The following SLC35F6 variants were observed in gnomAD, a reference collection of about 807,000 sequenced individuals.
SLC35F6 encodes solute carrier family 35 member F6, also known as ANT2-binding protein.
In SLC35F6, 26 loss-of-function variants were observed where a neutral mutation model predicts 29.4. That is an observed-to-expected ratio of 0.89 (90% confidence interval 0.65 to 1.23). The LOEUF is 1.23. Ranked by LOEUF, SLC35F6 falls within the 50% of genes most tolerant of loss-of-function variation. SLC35F6 has a pLI of 0.00. For synonymous variants in SLC35F6, 174 were observed against 206.6 expected (o/e 0.84, Z 1.35); for missense variants, 428 against 487.8 (o/e 0.88, Z 1.15).
intron 1 of SLC35F6, among the ~76,000 whole-genome samples, chr2:26,767,090 A>G (rs187311006): frequency 6.6e-6 from 1 of 152,236 alleles, no homozygotes. Context: ...GCTGGAACCC[A>G]GGCCTCAGGA....
chr2:26,764,813 G>A, intron 1 of SLC35F6: 1 of 985,394 alleles, frequency 1.0e-6, no homozygotes, highest in Non-Finnish European at 1.2e-6. Context: ...CAGGCCGAGT[G>A]ACCCAGTGAG....
intron 1 of SLC35F6, among the ~76,000 whole-genome samples, chr2:26,768,364 CT>C (rs60323100): frequency 0.44 from 59,734 of 136,948 alleles, 12,698 homozygotes; most frequent in African/African-American, 0.56. Flanking sequence ...GGAAGGTTTC[CT>C]TTTTTTTTTT....
intron 2 of SLC35F6, among the ~76,000 whole-genome samples, chr2:26,774,823 G>C (rs1292043012): frequency 6.6e-6 from 1 of 152,136 alleles, no homozygotes; most frequent in Non-Finnish European, 1.5e-5. Flanking sequence ...TTTTCAGACA[G>C]GGCTCTGCAC....
chr2:26,778,465 A>G lies in SLC35F6; in HGVS notation c.1070A>G (p.Glu357Gly). Residue 357 changes from glutamate (E) to glycine (G), a missense_variant, in exon 6 of 6, where the codon GAG becomes GGG. Transcript: ENST00000344420. ...GRPLAEESEQ[E>G]RLLGGTRTPI... Reference sequence around the variant, plus strand: ...CCCCTGGCAGAGGAGAGCGAGCAGGAGAGACTGCTGGGTGGCACCCGCACT... The same window carrying G: ...CCCCTGGCAGAGGAGAGCGAGCAGGGGAGACTGCTGGGTGGCACCCGCACT... The G allele has an allele frequency of 6.2e-7, 1 of 1,613,348 alleles. No individual in the cohort carries two copies. The highest frequency in any genetic ancestry group is 8.5e-7 in the Non-Finnish European group (1 of 1,179,750).
At chr2:26,774,806 T>C (rs1316057776) in intron 2 of SLC35F6, among the ~76,000 whole-genome samples, 1 of 152,112 alleles carries the variant, frequency 6.6e-6, no homozygotes, top group Non-Finnish European at 1.5e-5. Flanking sequence ...TTGGCCTAGA[T>C]GGATGGTTTT....
chr2:26,774,423 G>A, intron 2 of SLC35F6, 100 bp downstream of exon 2: 1 of 1,319,172 alleles, frequency 7.6e-7, no homozygotes, highest in Non-Finnish European at 1.1e-6. Flanking sequence ...AGGAGTGGAG[G>A]TGTCTCCTGC....
At chr2:26,770,162 C>T (rs1040893284) in intron 1 of SLC35F6, among the ~76,000 whole-genome samples, 3 of 152,090 alleles carry the variant, frequency 2.0e-5, no homozygotes, top group East Asian at 1.9e-4. Context: ...CCCAGCACTT[C>T]GGGAGGCTGA....
Position 26,772,517 on chromosome 2 carries a change from T to G in SLC35F6, c.78-1734T>G, listed in dbSNP as rs1251066741. 3.3e-5 allele frequency among the ~76,000 whole-genome samples: 5 copies of G among 152,282 alleles called. No individual in the cohort carries two copies. The South Asian group carries it at 8.3e-4, about 25-fold the overall frequency. On this transcript the variant is annotated intron_variant, in intron 1 of 5. Transcript: ENST00000344420. ...TTCAGTCAGCACATGATGTTACTGA[T>G]GCATTTGGAGCTGTGTCAACGAACC...
rs371076009 is a variant in SLC35F6, at chr2:26,775,250, G to A, written c.322+35G>A. 4.4e-6 allele frequency: 7 copies of A among 1,596,254 alleles called. No individual in the cohort carries two copies. The highest frequency in any genetic ancestry group is 5.1e-6 in the Non-Finnish European group (6 of 1,169,420). ...CAGGCCAGGCTGAGAAGGGCTCAGG[G>A]GAAGCTGTGGCTGAAGGGGCTACTG... On this transcript the variant is annotated intron_variant, in intron 3 of 5. Transcript: ENST00000344420. The surrounding 1 kb of genome is among the most constrained non-coding windows in gnomAD (Gnocchi z 4.6).
chr2:26,771,446 C>G (rs948614986), intron 1 of SLC35F6, among the ~76,000 whole-genome samples: 2 of 152,370 alleles, frequency 1.3e-5, no homozygotes, highest in East Asian at 3.9e-4. Context: ...ATCTCTCTGA[C>G]TTCACTTGCT....
In SLC35F6 at chr2:26,775,430, G is replaced by A; in HGVS notation, c.323-34G>A. ...TTAGTGACAGATGGCCTTCGCCTTG[G>A]GAAGCTAACTGTAATTTGTTTCTCC... is the stretch of plus-strand genomic sequence containing the variant. On this transcript the variant is annotated intron_variant, in intron 3 of 5. Transcript: ENST00000344420. The surrounding 1 kb of genome is among the most constrained non-coding windows in gnomAD (Gnocchi z 4.6). The A allele has an allele frequency of 1.9e-6, 3 of 1,604,066 alleles. No homozygotes were observed. Among genetic ancestry groups the A allele is most frequent in the Non-Finnish European group, 2.6e-6 (3 of 1,174,916 alleles).
rs1428096518 is a variant in SLC35F6, at chr2:26,779,540, T to A, written c.*1029T>A. On this transcript the variant is annotated 3_prime_UTR_variant, in exon 6 of 6. Coordinates refer to ENST00000344420, the MANE Select transcript of SLC35F6 (RefSeq NM_017877.4). The stretch of plus-strand genomic sequence containing the variant: ...GTTTTTTTTGTTGTTTGTTTGTTTC[T>A]TCTTTTTGAGACAGAGTCTTGCTCT... The A allele has an allele frequency of 6.6e-6, 1 of 152,348 alleles. No individual in the cohort carries two copies. Among genetic ancestry groups the A allele is most frequent in the African/African-American group, 2.4e-5 (1 of 41,436 alleles). 9.4% of individuals were successfully genotyped at this position (152,348 alleles called of 1,614,324 possible). A position where few individuals can be genotyped will look rare whatever the true frequency, so the allele number is the denominator to read the frequency against.
chr2:26,776,387 T>C lies in SLC35F6; in HGVS notation c.551T>C (p.Ile184Thr). 6.2e-7 allele frequency: 1 copy of C among 1,614,184 alleles called. No homozygotes were observed. Among genetic ancestry groups the C allele is most frequent in the Non-Finnish European group, 8.5e-7 (1 of 1,180,010 alleles). Reference sequence around the variant, plus strand: ...TTCCCCACAGGGGACCTGTTGATCATCATGGCCCAGATCATCGTTGCCATC... The same window carrying C: ...TTCCCCACAGGGGACCTGTTGATCACCATGGCCCAGATCATCGTTGCCATC... ...SEVITGDLLI[I>T]MAQIIVAIQM... Residue 184 changes from isoleucine to threonine, a missense_variant, in exon 5 of 6, where the codon ATC becomes ACC. By Grantham distance (89) the Ile-to-Thr change is moderately conservative. Coordinates refer to ENST00000344420, the MANE Select transcript of SLC35F6 (RefSeq NM_017877.4).
chr2:26,771,073 G>A (rs965209306), intron 1 of SLC35F6, among the ~76,000 whole-genome samples: 7 of 152,240 alleles, frequency 4.6e-5, no homozygotes, highest in African/African-American at 7.2e-5. Context: ...AGCGCTGCCA[G>A]CCAGGCCTGT....
chr2:26,775,880 G>A lies in SLC35F6; in HGVS notation c.535+204G>A, dbSNP rs932950459. On this transcript the variant is annotated intron_variant, in intron 4 of 5. Transcript: ENST00000344420. This position sits in a 1 kb window ranked among gnomAD's most constrained non-coding sequence, Gnocchi z 4.6. ...GGATGAGTGGCAGGCCGGGCAGGGC[G>A]AGGGGCTGGCTTGTCCTTTGATACA... Among the ~76,000 whole-genome samples the A allele has an allele frequency of 6.6e-6, 1 of 152,176 alleles. No homozygotes were observed. The highest frequency in any genetic ancestry group is 2.4e-5 in the African/African-American group (1 of 41,440).
chr2:26,774,484 A>G (rs1664261126), intron 2 of SLC35F6, among the ~76,000 whole-genome samples, 161 bp downstream of exon 2: 1 of 152,148 alleles, frequency 6.6e-6, no homozygotes, highest in African/African-American at 2.4e-5. Context: ...GCAGAATCCA[A>G]GGTTTAGAAT....
intron 5 of SLC35F6, 27 bp downstream of exon 5, chr2:26,776,509 G>T (rs1346508262): frequency 6.2e-7 from 1 of 1,605,426 alleles, no homozygotes; most frequent in East Asian, 2.2e-5. Flanking sequence ...GGGCCTGGAA[G>T]GAGTGGGGTA....
Position 26,775,268 on chromosome 2 carries a change from G to A in SLC35F6, c.322+53G>A. On this transcript the variant is annotated intron_variant, in intron 3 of 5. Coordinates refer to ENST00000344420, the MANE Select transcript of SLC35F6 (RefSeq NM_017877.4). This position sits in a 1 kb window ranked among gnomAD's most constrained non-coding sequence, Gnocchi z 4.6. ...GCTCAGGGGAAGCTGTGGCTGAAGG[G>A]GCTACTGGTGAAACAGCCCTATCCC... 2 of 1,579,008 alleles carry A rather than the reference G, an allele frequency of 1.3e-6. No homozygotes were observed. The highest frequency in any genetic ancestry group is 1.7e-6 in the Non-Finnish European group (2 of 1,161,664).
In SLC35F6 at chr2:26,764,519, C is replaced by T. The variant is rs550812903; in HGVS notation, c.77+93C>T. Reference sequence around the variant, plus strand: ...TCTTGGCCCTGCCCTCCTGGCTTCCCCTGCTTTCCCACTTGCTCCGGTCAG... The same window carrying T: ...TCTTGGCCCTGCCCTCCTGGCTTCCTCTGCTTTCCCACTTGCTCCGGTCAG... On this transcript the variant is annotated intron_variant, in intron 1 of 5. Transcript: ENST00000344420. 14 of 1,460,318 alleles carry T rather than the reference C, an allele frequency of 9.6e-6. No individual in the cohort carries two copies. The African/African-American group carries it at 1.6e-4, about 16-fold the overall frequency. The allele number at this position is 1,460,318 out of a possible 1,614,324, so 90.5% of individuals were successfully genotyped here. A position where few individuals can be genotyped will look rare whatever the true frequency, so the allele number is the denominator to read the frequency against.
Sources: allele counts gnomAD v4.1 joint callset (sites outside exome capture counted in the v4.1 genomes callset), GRCh38; gene constraint gnomAD v4.1.1; non-coding constraint Gnocchi (gnomAD v3.1); transcripts MANE v1.5; gene names NCBI Gene and HGNC (gene_info 2026-07-23, HGNC 2026-07-21).